Variants in LYZL2 observed in about 807,000 individuals in gnomAD.
LYZL2 encodes lysozyme like 2.
In LYZL2, 13 loss-of-function variants were observed where a neutral mutation model predicts 17.1. The observed-to-expected ratio is 0.76, with a 90% CI of 0.49 to 1.21. The LOEUF (loss-of-function observed/expected upper bound fraction) is 1.21, where lower values mean the gene tolerates loss of function less well. LYZL2 is among the 50% of genes most tolerant of loss of function. The pLI, the probability that LYZL2 is intolerant of heterozygous loss-of-function variation, is 0.00. For synonymous variants in LYZL2, 63 were observed against 74.4 expected (o/e 0.85, Z 0.79); for missense variants, 166 against 189.2 (o/e 0.88, Z 0.72).
chr10:30,612,891 G>T lies in LYZL2; in HGVS notation c.308C>A (p.Thr103Asn). Residue 103 changes from threonine to asparagine, a missense_variant, in exon 4 of 5, where the codon ACT becomes AAT. By Grantham distance (65) the Thr-to-Asn change is moderately conservative. Around this residue, in one of 2 missense-constraint regions of LYZL2, gnomAD observed 134 missense variants for 129.4 expected, o/e 1.04. Coordinates refer to ENST00000647634, the MANE Select transcript of LYZL2 (RefSeq NM_183058.3). ...HCHVACSALV[T>N]DDLTDAIICA... ...GATAATCGCATCTGTGAGGTCATCA[G>T]TGACCAAGGCTGTAAAAAGAGAGGT... 1 of 1,613,820 alleles carries T rather than the reference G, an allele frequency of 6.2e-7. No homozygotes were observed. Among genetic ancestry groups the T allele is most frequent in the Non-Finnish European group, 8.5e-7 (1 of 1,179,704 alleles).
At chr10:30,627,760 C>T (rs993401380) in intron 1 of LYZL2, among the ~76,000 whole-genome samples, 1 of 152,256 alleles carries the variant, frequency 6.6e-6, no homozygotes, top group Non-Finnish European at 1.5e-5. Flanking sequence ...CAGGCATTGG[C>T]ACCCCGACCC....
intron 4 of LYZL2, among the ~76,000 whole-genome samples, chr10:30,612,291 C>T (rs925195055): frequency 5.9e-5 from 9 of 152,168 alleles, no homozygotes; most frequent in African/African-American, 1.9e-4. Flanking sequence ...TGTGAAAATT[C>T]GGGTTCCCTG....
rs1269308638 is a variant in LYZL2 at position 30,629,583 on chromosome 10, T to C, written c.-26+10A>G. 1.2e-6 allele frequency: 2 copies of C among 1,613,750 alleles called. No homozygotes were observed. The highest frequency in any genetic ancestry group is 1.7e-6 in the Non-Finnish European group (2 of 1,179,826). On this transcript the variant is annotated intron_variant, in intron 1 of 4. Coordinates refer to ENST00000647634, the MANE Select transcript of LYZL2 (RefSeq NM_183058.3). The stretch of plus-strand genomic sequence containing the variant: ...GACAGGTGGCTTCATAAGAGTAATT[T>C]AGGTCTTACTGAAAAGGCAGATTCC...
intron 4 of LYZL2, among the ~76,000 whole-genome samples, chr10:30,612,231 C>A (rs1838457590): frequency 6.6e-6 from 1 of 152,222 alleles, no homozygotes; most frequent in African/African-American, 2.4e-5. Context: ...GCCTCAGCAA[C>A]AAGCAATCAA....
chr10:30,619,334 C>T (rs1838583643), intron 3 of LYZL2, among the ~76,000 whole-genome samples: 1 of 152,242 alleles, frequency 6.6e-6, no homozygotes, highest in Admixed American at 6.5e-5. Flanking sequence ...TGGGTATATA[C>T]CCAAAGGATT....
chr10:30,617,449 G>T (rs576003318), intron 3 of LYZL2, among the ~76,000 whole-genome samples: 1 of 152,074 alleles, frequency 6.6e-6, no homozygotes, highest in Non-Finnish European at 1.5e-5. Context: ...GCTGAGGCAG[G>T]CAGATCACTT....
chr10:30,622,258 C>T (rs1325631694), intron 3 of LYZL2, among the ~76,000 whole-genome samples: 1 of 152,050 alleles, frequency 6.6e-6, no homozygotes, highest in African/African-American at 2.4e-5. Flanking sequence ...TTAAAACTAG[C>T]CATATCAGCC....
chr10:30,626,299 G>A (rs1588678865), intron 2 of LYZL2, 36 bp from the exon 3 acceptor site: 1 of 1,609,246 alleles, frequency 6.2e-7, no homozygotes, highest in African/African-American at 1.3e-5. Context: ...CAGCAAAGGA[G>A]GTGCCATCTT....
downstream of LYZL2, among the ~76,000 whole-genome samples, chr10:30,608,708 T>A (rs1838400902): frequency 6.6e-6 from 1 of 152,126 alleles, no homozygotes; most frequent in Non-Finnish European, 1.5e-5. Flanking sequence ...AAGGTTGTTG[T>A]GAGGAGCATA....
At chr10:30,627,074 C>A (rs774492713) in intron 1 of LYZL2, 134 bp from the exon 2 acceptor site, 13 of 1,316,950 alleles carry the variant, frequency 9.9e-6, no homozygotes, top group Admixed American at 2.6e-5. Flanking sequence ...CAGGGAAAAC[C>A]GGCCACTCTA....
At chr10:30,626,297 G>A (rs1186229089) in intron 2 of LYZL2, 34 bp from the exon 3 acceptor site, 1 of 1,609,964 alleles carries the variant, frequency 6.2e-7, no homozygotes, top group South Asian at 1.1e-5. Flanking sequence ...GCCAGCAAAG[G>A]AGGTGCCATC....
chr10:30,615,745 A>T (rs1432349739), intron 3 of LYZL2, among the ~76,000 whole-genome samples: 1 of 152,358 alleles, frequency 6.6e-6, no homozygotes, highest in African/African-American at 2.4e-5. Flanking sequence ...AACATTAAAG[A>T]CAATTAAAAC....
downstream of LYZL2, among the ~76,000 whole-genome samples, chr10:30,608,726 A>G (rs895202990): frequency 2.0e-5 from 3 of 152,228 alleles, no homozygotes; most frequent in Non-Finnish European, 2.9e-5. Context: ...ATATGAAATA[A>G]TAAACATGAA....
At chr10:30,616,280 A>T (rs1373554302) in intron 3 of LYZL2, among the ~76,000 whole-genome samples, 1 of 152,260 alleles carries the variant, frequency 6.6e-6, no homozygotes, top group East Asian at 1.9e-4. Context: ...CAGGAGAAAA[A>T]GTAACAAAAT....
intron 1 of LYZL2, among the ~76,000 whole-genome samples, chr10:30,628,964 T>A (rs1838762476): frequency 6.6e-6 from 1 of 152,200 alleles, no homozygotes; most frequent in Admixed American, 6.5e-5. Context: ...GTGGCAGAGT[T>A]GAGTAGCTGT....
chr10:30,612,120 C>T (rs1343932776), intron 4 of LYZL2, 96 bp from the exon 5 acceptor site: 32 of 1,453,298 alleles, frequency 2.2e-5, no homozygotes, highest in African/African-American at 1.8e-4. Context: ...AAATCGCCAG[C>T]GGAACCCTGG....
chr10:30,623,145 A>G (rs1237119854), intron 3 of LYZL2, among the ~76,000 whole-genome samples: 2 of 152,268 alleles, frequency 1.3e-5, no homozygotes, highest in East Asian at 3.8e-4. Flanking sequence ...ACAAAGCTTC[A>G]AAAATGGACG....
downstream of LYZL2, among the ~76,000 whole-genome samples, chr10:30,611,591 G>GA (rs1490891030): frequency 1.7e-5 from 2 of 116,134 alleles, no homozygotes; most frequent in Admixed American, 8.6e-5. Context: ...AAGAAAGAAA[G>GA]AAAGAAAGAA....
intron 3 of LYZL2, among the ~76,000 whole-genome samples, chr10:30,613,395 T>C (rs1326090551): frequency 6.6e-6 from 1 of 151,296 alleles, no homozygotes; most frequent in Non-Finnish European, 1.5e-5. Flanking sequence ...TACTTGGGAG[T>C]CTGAGGTGGG....
Sources: allele counts gnomAD v4.1 joint callset (sites outside exome capture counted in the v4.1 genomes callset), GRCh38; gene constraint gnomAD v4.1.1; regional missense constraint gnomAD v4.1.1; transcripts MANE v1.5; gene names NCBI Gene and HGNC (gene_info 2026-07-23, HGNC 2026-07-21).